Variants in GNA12 observed in about 807,000 individuals in gnomAD.
GNA12 encodes G protein subunit alpha 12.
GNA12 carries 9 observed loss-of-function variants against 26.0 expected under a neutral mutation model. The ratio of observed to expected loss-of-function variants is 0.35; its 90% CI spans 0.21 to 0.60. The LOEUF (loss-of-function observed/expected upper bound fraction) is 0.60, where lower values mean the gene tolerates loss of function less well. GNA12 is among the 20% of genes least tolerant of loss of function. GNA12 has a pLI of 0.78. For missense variants in GNA12, 405 were observed against 525.8 expected, an observed-to-expected ratio of 0.77 and a Z score of 2.25; for synonymous variants, 264 against 219.6, an observed-to-expected ratio of 1.20 and a Z score of -1.79.
chr7:2,843,058 G>A (rs1010506723), intron 1 of GNA12, among the ~76,000 whole-genome samples: 46 of 152,188 alleles, frequency 3.0e-4, no homozygotes, highest in African/African-American at 9.4e-4. Flanking sequence ...AGGCCCAGGT[G>A]GGAGGATGGC....
At chr7:2,736,932 A>G (rs1318026933) in intron 2 of GNA12, among the ~76,000 whole-genome samples, 1 of 152,206 alleles carries the variant, frequency 6.6e-6, no homozygotes, top group Non-Finnish European at 1.5e-5. Context: ...GCACAGGACC[A>G]GACCCTCGAG....
chr7:2,813,012 T>C (rs1330952093), intron 1 of GNA12, among the ~76,000 whole-genome samples: 1 of 152,200 alleles, frequency 6.6e-6, no homozygotes, highest in Non-Finnish European at 1.5e-5. Flanking sequence ...GGTGCAATCA[T>C]GGCTCATTGC....
intron 1 of GNA12, among the ~76,000 whole-genome samples, chr7:2,799,726 G>A (rs1399767359): frequency 6.6e-6 from 1 of 152,090 alleles, no homozygotes; most frequent in African/African-American, 2.4e-5. Flanking sequence ...TTTCACTGGA[G>A]AACATATATA....
At chr7:2,816,803 G>A (rs1793228915) in intron 1 of GNA12, among the ~76,000 whole-genome samples, 1 of 152,104 alleles carries the variant, frequency 6.6e-6, no homozygotes, top group South Asian at 2.1e-4. Flanking sequence ...GAGCGGCCAG[G>A]AGACATCCAT....
chr7:2,749,429 C>T (rs1050191780), intron 2 of GNA12, among the ~76,000 whole-genome samples: 4 of 150,674 alleles, frequency 2.7e-5, no homozygotes, highest in African/African-American at 9.8e-5. Context: ...CCAAACACCC[C>T]ATGTTCTCAC....
chr7:2,829,649 C>T (rs983931529), intron 1 of GNA12, among the ~76,000 whole-genome samples: 2 of 152,304 alleles, frequency 1.3e-5, no homozygotes, highest in Middle Eastern at 3.4e-3. Context: ...GGACAGGCTA[C>T]TTCTCTTTCA....
intron 1 of GNA12, among the ~76,000 whole-genome samples, chr7:2,829,640 G>A (rs1182192): frequency 0.42 from 64,077 of 151,992 alleles, 13,779 homozygotes; most frequent in Admixed American, 0.48. Flanking sequence ...AGCACTCTTG[G>A]ACAGGCTACT....
intron 2 of GNA12, among the ~76,000 whole-genome samples, chr7:2,750,650 T>A (rs959234246): frequency 6.6e-6 from 1 of 152,240 alleles, no homozygotes; most frequent in Non-Finnish European, 1.5e-5. Flanking sequence ...TGGACCACGG[T>A]TGACTGCGGG....
rs886124152 is a variant in GNA12, at chr7:2,806,801, C to T, written c.310-11658G>A. ...TGAGGTAATCCCTATGGCTGGACAT[C>T]GGAATTCTTTCCAGTGTATGGAAAG... On this transcript the variant is annotated intron_variant, in intron 1 of 3. Transcript: ENST00000275364. Among the ~76,000 whole-genome samples, 8 of 152,110 alleles carry T rather than the reference C, an allele frequency of 5.3e-5. No homozygotes were observed. The East Asian group carries it at 5.8e-4, about 11-fold the overall frequency.
intron 2 of GNA12, chr7:2,762,754 C>T (rs1309630679): frequency 6.4e-7 from 1 of 1,551,012 alleles, no homozygotes; most frequent in Non-Finnish European, 8.7e-7. Flanking sequence ...GGAAGTGCAC[C>T]AGGCCCGTCC....
chr7:2,788,581 C>T (rs999991969), intron 2 of GNA12, among the ~76,000 whole-genome samples: 4 of 152,174 alleles, frequency 2.6e-5, no homozygotes, highest in African/African-American at 9.7e-5. Flanking sequence ...CTTATTCAGG[C>T]AATTCTGTAC....
rs41304915 is a variant in GNA12, at chr7:2,729,388, T to A, written c.*1793A>T. On this transcript the variant is annotated 3_prime_UTR_variant, in exon 4 of 4. Transcript: ENST00000275364. ...CGGCACTCATCTCCGGTCACATCCG[T>A]GAGGTCTGTGAAGAGCCACAGAAGC... The A allele has an allele frequency of 3.6e-3, 547 of 152,396 alleles. 5 individuals are homozygous for A. The highest frequency in any genetic ancestry group is 0.022 in the South Asian group (107 of 4,822). The allele number at this position is 152,396 out of a possible 1,614,324, so 9.4% of individuals were successfully genotyped here.
intron 2 of GNA12, among the ~76,000 whole-genome samples, chr7:2,778,955 C>T (rs1792150405): frequency 6.6e-6 from 1 of 152,164 alleles, no homozygotes; most frequent in African/African-American, 2.4e-5. Context: ...TATATTTAAC[C>T]AGAATTATTT....
chr7:2,766,167 T>C (rs1241169961), intron 2 of GNA12, among the ~76,000 whole-genome samples: 1 of 152,182 alleles, frequency 6.6e-6, no homozygotes, highest in East Asian at 1.9e-4. Flanking sequence ...CTACTTTTTG[T>C]TTCTATGCAT....
chr7:2,738,496 C>T (rs576612084), intron 2 of GNA12, among the ~76,000 whole-genome samples: 54 of 152,164 alleles, frequency 3.5e-4, no homozygotes, highest in Admixed American at 1.6e-3. Flanking sequence ...GCACAAGGCA[C>T]GAAACAACGC....
chr7:2,832,165 G>A (rs1031019130), intron 1 of GNA12, among the ~76,000 whole-genome samples: 3 of 152,152 alleles, frequency 2.0e-5, no homozygotes, highest in Non-Finnish European at 4.4e-5. Context: ...ATGGACAGTC[G>A]AAAGGCCTCT....
intron 2 of GNA12, among the ~76,000 whole-genome samples, chr7:2,791,932 A>G (rs561244788): frequency 6.6e-6 from 1 of 152,348 alleles, no homozygotes; most frequent in Non-Finnish European, 1.5e-5. Flanking sequence ...CCACCACCCA[A>G]TAAACAAGAA....
chr7:2,756,058 T>C (rs1336516897), intron 2 of GNA12, among the ~76,000 whole-genome samples: 1 of 152,200 alleles, frequency 6.6e-6, no homozygotes, highest in Non-Finnish European at 1.5e-5. Context: ...AACTTTCAAC[T>C]TGCTAGAAAG....
At position 2,794,988 on chromosome 7, in the gene GNA12, G is replaced by A. The variant is rs773978036; in HGVS notation, c.465C>T (p.Ser155=). The stretch of plus-strand genomic sequence containing the variant: ...TGATGCCAGAATCCCTCCAGAGTGC[G>A]CTCAGGGCCGGGACGTACAGCTGGA... ...ATFQLYVPAL[S]ALWRDSGIRE... Residue 155 remains serine, a synonymous_variant, in exon 2 of 4, where the codon AGC becomes AGT. Transcript: ENST00000275364. The A allele has an allele frequency of 6.9e-5, 112 of 1,614,028 alleles. No homozygotes were observed. Among genetic ancestry groups the A allele is most frequent in the Non-Finnish European group, 9.3e-5 (110 of 1,180,012 alleles).
Sources: allele counts gnomAD v4.1 joint callset (sites outside exome capture counted in the v4.1 genomes callset), GRCh38; gene constraint gnomAD v4.1.1; transcripts MANE v1.5; gene names NCBI Gene and HGNC (gene_info 2026-07-23, HGNC 2026-07-21).